Variants in TUSC3 observed in about 807,000 individuals in gnomAD.
TUSC3 encodes tumor suppressor candidate 3, also known as dolichyl-diphosphooligosaccharide--protein glycosyltransferase subunit TUSC3.
A neutral mutation model predicts 44.8 loss-of-function variants in TUSC3; 45 were observed. The ratio of observed to expected loss-of-function variants is 1.00; its 90% confidence interval spans 0.79 to 1.29. TUSC3 has a LOEUF of 1.29. Among genes scored for constraint, TUSC3 ranks in the 50% most tolerant of loss-of-function variants. The pLI, the probability that TUSC3 is intolerant of heterozygous loss-of-function variation, is 0.00. For missense variants in TUSC3, 519 were observed against 437.9 expected (o/e 1.19, Z -1.65); for synonymous variants, 212 against 152.9 (o/e 1.39, Z -2.85).
chr8:15,455,022 G>C (rs557274974), intron 1 of TUSC3, among the ~76,000 whole-genome samples: 182 of 152,274 alleles, frequency 1.2e-3, no homozygotes, highest in African/African-American at 4.3e-3. Context: ...AGGGGTTGGA[G>C]GGTACAAGAT....
the TUSC3 span, among the ~76,000 whole-genome samples, chr8:15,818,145 T>C: frequency 1.3e-5 from 2 of 152,204 alleles, no homozygotes; most frequent in African/African-American, 4.8e-5. Context: ...TATTAGGATA[T>C]TCTGTCAGGG....
At chr8:15,515,587 T>C (rs867283613) in intron 2 of TUSC3, among the ~76,000 whole-genome samples, 2 of 152,102 alleles carry the variant, frequency 1.3e-5, no homozygotes, top group East Asian at 1.9e-4. Context: ...CAAAATATCA[T>C]TGGAGTTTTT....
intron 9 of TUSC3, among the ~76,000 whole-genome samples, chr8:15,753,230 A>G (rs1359539497): frequency 1.3e-5 from 2 of 151,992 alleles, no homozygotes; most frequent in Non-Finnish European, 1.5e-5. Context: ...CAATTTAAAA[A>G]ATCCCTCTAA....
intron 7 of TUSC3, among the ~76,000 whole-genome samples, chr8:15,732,953 C>G (rs1490899409): frequency 6.6e-6 from 1 of 152,124 alleles, no homozygotes; most frequent in Non-Finnish European, 1.5e-5. Context: ...ACTTACTTGC[C>G]TGTATGCTTT....
the TUSC3 span, among the ~76,000 whole-genome samples, chr8:15,787,483 A>T: frequency 1.3e-5 from 2 of 152,186 alleles, no homozygotes; most frequent in Admixed American, 6.5e-5. Context: ...TCAGTCTATT[A>T]AAAAATTTGT....
At chr8:15,465,183 T>G (rs1223145226) in intron 1 of TUSC3, among the ~76,000 whole-genome samples, 1 of 152,188 alleles carries the variant, frequency 6.6e-6, no homozygotes, top group Non-Finnish European at 1.5e-5. Flanking sequence ...TTAGAGAGAA[T>G]TTAAGAAATT....
intron 1 of TUSC3, among the ~76,000 whole-genome samples, chr8:15,423,137 C>A (rs1799759116): frequency 6.6e-6 from 1 of 151,930 alleles, no homozygotes; most frequent in African/African-American, 2.4e-5. Flanking sequence ...AATGTTGGAC[C>A]TTTCCATTTT....
At chr8:15,807,038 G>C in the TUSC3 span, 3 of 1,426,760 alleles carry the variant, frequency 2.1e-6, no homozygotes, top group Non-Finnish European at 3.0e-6. Context: ...GTAAATCCTG[G>C]TTATCGGCGA....
At chr8:15,847,384 C>A in the TUSC3 span, among the ~76,000 whole-genome samples, 1 of 152,098 alleles carries the variant, frequency 6.6e-6, no homozygotes, top group African/African-American at 2.4e-5. Context: ...ATTTTGCAAA[C>A]TTCTCTGTTG....
intron 5 of TUSC3, among the ~76,000 whole-genome samples, chr8:15,670,415 G>A (rs980805323): frequency 6.6e-6 from 1 of 151,812 alleles, no homozygotes; most frequent in African/African-American, 2.4e-5. Flanking sequence ...CACTTGATTT[G>A]TAACGAAAGT....
At chr8:15,689,686 C>A (rs578162071) in intron 6 of TUSC3, 1 of 152,340 alleles carries the variant, frequency 6.6e-6, no homozygotes, top group African/African-American at 2.4e-5. Context: ...TTACCACCCA[C>A]TTGTAAGTGA....
chr8:15,611,070 A>G (rs979460649), intron 1 of TUSC3, among the ~76,000 whole-genome samples: 3 of 152,232 alleles, frequency 2.0e-5, no homozygotes, highest in African/African-American at 7.2e-5. Context: ...AACTTTACAC[A>G]AACAAAAGGT....
chr8:15,484,523 C>G (rs1294641738), intron 2 of TUSC3, among the ~76,000 whole-genome samples: 1 of 152,198 alleles, frequency 6.6e-6, no homozygotes, highest in African/African-American at 2.4e-5. Context: ...TGAGATACAT[C>G]TAAGTATTCA....
intron 2 of TUSC3, among the ~76,000 whole-genome samples, chr8:15,500,653 T>C (rs1190514506): frequency 6.6e-6 from 1 of 152,192 alleles, no homozygotes; most frequent in Admixed American, 6.5e-5. Context: ...AATTCCCCTT[T>C]TAAAACAAAC....
the TUSC3 span, among the ~76,000 whole-genome samples, chr8:15,826,204 G>A: frequency 6.6e-5 from 10 of 152,186 alleles, no homozygotes; most frequent in African/African-American, 2.4e-4. Flanking sequence ...GTAATTCTAG[G>A]AGATGGCATA....
chr8:15,775,426 G>A, the TUSC3 span, among the ~76,000 whole-genome samples: 1 of 151,942 alleles, frequency 6.6e-6, no homozygotes, highest in East Asian at 1.9e-4. Context: ...TCAATTATAC[G>A]TATTAAGTTT....
chr8:15,740,362 C>A (rs111882117), intron 7 of TUSC3, among the ~76,000 whole-genome samples: 1 of 151,884 alleles, frequency 6.6e-6, no homozygotes, highest in African/African-American at 2.4e-5. Flanking sequence ...ATAAATTTGG[C>A]CACATTAAAA....
intron 6 of TUSC3, among the ~76,000 whole-genome samples, chr8:15,718,042 G>T (rs1052473842): frequency 6.6e-6 from 1 of 151,992 alleles, no homozygotes; most frequent in Non-Finnish European, 1.5e-5. Context: ...ACTAGATATT[G>T]ATTGATTGAT....
chr8:15,672,285 C>T (rs548045915), intron 5 of TUSC3, among the ~76,000 whole-genome samples: 19 of 152,082 alleles, frequency 1.2e-4, no homozygotes, highest in African/African-American at 4.1e-4. Flanking sequence ...CATGGATTAA[C>T]CTACTTAAAA....
Sources: gnomAD v4.1 joint callset for allele counts (sites outside exome capture counted in the v4.1 genomes callset) on GRCh38, gnomAD v4.1.1 for gene constraint, MANE v1.5 for transcripts, NCBI Gene and HGNC (gene_info 2026-07-23, HGNC 2026-07-21) for gene names.